HELZ: variants seen among roughly 807,000 people sequenced by gnomAD.
HELZ encodes helicase with zinc finger.
In HELZ, 23 loss-of-function variants were observed where a neutral mutation model predicts 218.2. The observed-to-expected ratio is 0.11, with a 90% CI of 0.08 to 0.15. The LOEUF (loss-of-function observed/expected upper bound fraction) is 0.15, where lower values mean the gene tolerates loss of function less well. HELZ is among the 10% of genes least tolerant of loss of function. HELZ has a pLI of 1.00. For synonymous variants in HELZ, 814 were observed against 829.4 expected (o/e 0.98, Z 0.32); for missense variants, 1,813 against 2,353.7 (o/e 0.77, Z 4.75).
intron 31 of HELZ, among the ~76,000 whole-genome samples, chr17:67,093,163 T>C (rs937382533): frequency 6.6e-6 from 1 of 152,204 alleles, no homozygotes; most frequent in Non-Finnish European, 1.5e-5. Flanking sequence ...CTAACTGGTG[T>C]TCTCAGAAAA....
intron 5 of HELZ, among the ~76,000 whole-genome samples, chr17:67,204,968 T>C (rs2040258698): frequency 6.6e-6 from 1 of 152,182 alleles, no homozygotes; most frequent in African/African-American, 2.4e-5. Context: ...TGACCCTCAG[T>C]GTGGCCATCT....
At position 67,167,612 on chromosome 17, in the gene HELZ, C is replaced by A. The variant is rs1044755795; in HGVS notation, c.1615G>T (p.Val539Phe). The change falls in exon 14 of 33, where the codon GTC becomes TTC. Residue 539 changes from valine to phenylalanine, a missense_variant. This residue lies in a region of HELZ where 714 missense variants were observed against 1,029.2 expected (regional missense o/e 0.69). Coordinates refer to ENST00000358691, the MANE Select transcript of HELZ (RefSeq NM_014877.4). Reference protein sequence around the residue: ...TKVNAVYLLPVPKQKLVQTQG... With the variant: ...TKVNAVYLLPFPKQKLVQTQG... ...GTCTGTACTAACTTCTGTTTAGGGACTGGTAATAAATAAACAGCATTGACT... is the reference window on the plus strand; with the variant it reads ...GTCTGTACTAACTTCTGTTTAGGGAATGGTAATAAATAAACAGCATTGACT... The A allele has an allele frequency of 1.2e-6, 2 of 1,614,032 alleles. No homozygotes were observed. The highest frequency in any genetic ancestry group is 4.5e-5 in the East Asian group (2 of 44,882).
In HELZ at chr17:67,089,161, C is replaced by G. The variant is rs558081487; in HGVS notation, c.5242-2080G>C. 2.0e-5 allele frequency among the ~76,000 whole-genome samples: 3 copies of G among 152,278 alleles called. No homozygotes were observed. In the South Asian group the frequency reaches 6.2e-4, roughly 32 times the overall value. On this transcript the variant is annotated intron_variant, in intron 31 of 32. Coordinates refer to ENST00000358691, the MANE Select transcript of HELZ (RefSeq NM_014877.4). ...ACGTTGGGTATGGGCTCAGAAAGAGCAGATTATGATAACCATGTCTCCTGG... is the reference window on the plus strand; with the variant it reads ...ACGTTGGGTATGGGCTCAGAAAGAGGAGATTATGATAACCATGTCTCCTGG...
intron 31 of HELZ, among the ~76,000 whole-genome samples, chr17:67,105,898 C>A (rs1598227774): frequency 6.6e-6 from 1 of 152,278 alleles, no homozygotes; most frequent in Middle Eastern, 3.4e-3. Context: ...TTTGAACAGA[C>A]TGCCTCTAAA....
intron 5 of HELZ, among the ~76,000 whole-genome samples, chr17:67,204,316 T>C (rs906431736): frequency 5.3e-5 from 8 of 152,242 alleles, no homozygotes; most frequent in African/African-American, 1.9e-4. Context: ...ATTATAAAAC[T>C]AATAAAATTC....
chr17:67,215,726 TG>T, intron 5 of HELZ, 172 bp downstream of exon 5: 1 of 634,624 alleles, frequency 1.6e-6, no homozygotes, highest in Non-Finnish European at 2.9e-6. Context: ...GTAAGAGCAA[TG>T]TTCACAGGTA....
chr17:67,231,891 A>G (rs930797772), intron 3 of HELZ, among the ~76,000 whole-genome samples: 2 of 151,156 alleles, frequency 1.3e-5, no homozygotes, highest in South Asian at 4.2e-4. Flanking sequence ...TGTCTCTACT[A>G]AAAATACAAA....
intron 13 of HELZ, among the ~76,000 whole-genome samples, chr17:67,177,899 C>A (rs373701731): frequency 9.9e-5 from 15 of 151,938 alleles, no homozygotes; most frequent in African/African-American, 7.3e-5. Flanking sequence ...TGATAAGGAA[C>A]CATAAGGCAT....
chr17:67,232,434 G>A (rs559515204), intron 3 of HELZ, among the ~76,000 whole-genome samples: 10 of 152,252 alleles, frequency 6.6e-5, no homozygotes, highest in African/African-American at 2.4e-4. Context: ...TTACAGGCGT[G>A]AGCCCCTGTG....
chr17:67,179,206 C>T (rs1424919029), intron 12 of HELZ, among the ~76,000 whole-genome samples: 1 of 151,918 alleles, frequency 6.6e-6, no homozygotes, highest in Non-Finnish European at 1.5e-5. Flanking sequence ...TACAGATTAA[C>T]ATTTAGAACT....
At chr17:67,086,616 A>G (rs867341033) in intron 32 of HELZ, among the ~76,000 whole-genome samples, 14 of 41,674 alleles carry the variant, frequency 3.4e-4, no homozygotes, top group African/African-American at 1.2e-3. Context: ...ATATATATAA[A>G]TAAATATAAA....
At chr17:67,149,777 T>G in intron 19 of HELZ, 90 bp downstream of exon 19, 1 of 689,996 alleles carries the variant, frequency 1.4e-6, no homozygotes. Flanking sequence ...ATGCATGGCA[T>G]AATGTCATAG....
At chr17:67,126,370 C>T (rs564617886) in intron 24 of HELZ, among the ~76,000 whole-genome samples, 1 of 152,114 alleles carries the variant, frequency 6.6e-6, no homozygotes, top group African/African-American at 2.4e-5. Flanking sequence ...AAAGCAAATT[C>T]GGGCCTATGG....
chr17:67,229,182 G>A (rs2040972599), intron 3 of HELZ, among the ~76,000 whole-genome samples: 1 of 152,114 alleles, frequency 6.6e-6, no homozygotes, highest in Non-Finnish European at 1.5e-5. Context: ...ACTCTGAAAT[G>A]CCTATAAAAT....
Position 67,076,400 on chromosome 17 carries a change from GC to G in HELZ, c.*1851del, listed in dbSNP as rs1329888947. 1 of 152,170 alleles carries G rather than the reference GC, an allele frequency of 6.6e-6. No individual in the cohort carries two copies. The highest frequency in any genetic ancestry group is 2.4e-5 in the African/African-American group (1 of 41,442). The allele number at this position is 152,170 out of a possible 1,614,324, so 9.4% of individuals were successfully genotyped here. On this transcript the variant is annotated 3_prime_UTR_variant, in exon 33 of 33. Coordinates refer to ENST00000358691, the MANE Select transcript of HELZ (RefSeq NM_014877.4). ...TGACATCATACAGAGAAAGAGTGGT[GC>G]TGTAACTTGCCGGCTCAGTTTTCCA...
At chr17:67,142,494 C>A (rs1027943030) in intron 21 of HELZ, among the ~76,000 whole-genome samples, 3 of 152,130 alleles carry the variant, frequency 2.0e-5, no homozygotes, top group Non-Finnish European at 4.4e-5. Context: ...GGTGACAGAG[C>A]AAGACCCTGT....
At chr17:67,084,860 C>G (rs181272377) in intron 32 of HELZ, among the ~76,000 whole-genome samples, 150 of 152,220 alleles carry the variant, frequency 9.9e-4, no homozygotes, top group African/African-American at 3.4e-3. Context: ...AGGCTCACAC[C>G]TGTAATCTCA....
At chr17:67,165,727 A>T (rs2039123323) in intron 15 of HELZ, among the ~76,000 whole-genome samples, 1 of 152,242 alleles carries the variant, frequency 6.6e-6, no homozygotes, top group Admixed American at 6.5e-5. Flanking sequence ...TCCCAAAAAA[A>T]TTTAAGCAGA....
At chr17:67,245,768 C>T (rs1218974697), upstream of HELZ, 2 of 151,946 alleles carry the variant, frequency 1.3e-5, no homozygotes, top group Non-Finnish European at 2.9e-5. Flanking sequence ...CCACCAGCGT[C>T]GAAGCACGAT....
Sources: allele counts gnomAD v4.1 joint callset (sites outside exome capture counted in the v4.1 genomes callset), GRCh38; gene constraint gnomAD v4.1.1; regional missense constraint gnomAD v4.1.1; transcripts MANE v1.5; gene names NCBI Gene and HGNC (gene_info 2026-07-23, HGNC 2026-07-21).